PRRX2: variants seen among roughly 807,000 people sequenced by gnomAD.
PRRX2 encodes paired related homeobox 2.
A neutral mutation model predicts 18.0 loss-of-function variants in PRRX2; 11 were observed. The observed-to-expected ratio is 0.61, with a 90% confidence interval of 0.39 to 1.01. The LOEUF is 1.01. Among genes scored for constraint, PRRX2 ranks in the 50% least tolerant of loss-of-function variants. PRRX2 has a pLI of 0.01. For missense variants in PRRX2, 387 were observed against 351.0 expected (o/e 1.10, Z -0.82); for synonymous variants, 177 against 154.8 (o/e 1.14, Z -1.06).
At chr9:129,692,037 G>A (rs955172486) in intron 1 of PRRX2, among the ~76,000 whole-genome samples, 1 of 151,306 alleles carries the variant, frequency 6.6e-6, no homozygotes, top group African/African-American at 2.4e-5. Context: ...TCCACCTCCT[G>A]GGTTCAAGCG....
intron 1 of PRRX2, among the ~76,000 whole-genome samples, chr9:129,668,110 G>A (rs1301054653): frequency 2.0e-5 from 3 of 152,202 alleles, no homozygotes; most frequent in Admixed American, 6.5e-5. Context: ...GGCTCCGCCC[G>A]GGGTGTGGCC....
rs762929485 is a variant in PRRX2 at position 129,715,750 on chromosome 9, T to TCTCTCTCTCTCTCTCTCACA, written c.260-3480_260-3479insTCTCTCTCTCTCTCTCACAC. On this transcript the variant is annotated intron_variant, in intron 1 of 3. Transcript: ENST00000372469. The surrounding 1 kb of genome is among the most constrained non-coding windows in gnomAD (Gnocchi z 4.0). ...AAACCCAGCTTCAGGGACATCTTTC[T>TCTCTCTCTCTCTCTCTCACA]CACACACACACACACACACACACAC... is the stretch of plus-strand genomic sequence containing the variant. Among the ~76,000 whole-genome samples, 104 of 138,946 alleles carry TCTCTCTCTCTCTCTCTCACA rather than the reference T, an allele frequency of 7.5e-4. No homozygotes were observed. In the South Asian group the frequency reaches 9.9e-3, roughly 13 times the overall value. 91.2% of individuals were successfully genotyped at this position (138,946 alleles called of 152,430 possible).
At chr9:129,686,000 G>A (rs1056295785) in intron 1 of PRRX2, among the ~76,000 whole-genome samples, 15 of 152,232 alleles carry the variant, frequency 9.9e-5, no homozygotes, top group African/African-American at 3.4e-4. Context: ...AGAGAGGTGA[G>A]GGCTGGGTTG....
chr9:129,680,635 G>A (rs529578186), intron 1 of PRRX2, among the ~76,000 whole-genome samples: 44 of 152,174 alleles, frequency 2.9e-4, no homozygotes, highest in Admixed American at 1.6e-3. Context: ...CTTGCCTCAC[G>A]GCTTTGCTGG....
intron 1 of PRRX2, among the ~76,000 whole-genome samples, chr9:129,685,607 T>G (rs1028436474): frequency 6.6e-6 from 1 of 152,042 alleles, no homozygotes; most frequent in Non-Finnish European, 1.5e-5. Flanking sequence ...CCTCCCAAAG[T>G]GTTGGGACTA....
At chr9:129,711,089 C>G (rs947958829) in intron 1 of PRRX2, among the ~76,000 whole-genome samples, 8 of 152,106 alleles carry the variant, frequency 5.3e-5, no homozygotes, top group African/African-American at 1.9e-4. Flanking sequence ...TTTTGTTGAT[C>G]CATACACTGT....
rs1011310083 is a variant in PRRX2, at chr9:129,675,274, A to G, written c.259+9148A>G. ...AGGAAGTATTTGCTCTCGACCATCC[A>G]CCAGCATCCATTGAGCACCTACTGA... On this transcript the variant is annotated intron_variant, in intron 1 of 3. Coordinates refer to ENST00000372469, the MANE Select transcript of PRRX2 (RefSeq NM_016307.4). This position sits in a 1 kb window ranked among gnomAD's most constrained non-coding sequence, Gnocchi z 4.4. 6.6e-6 allele frequency among the ~76,000 whole-genome samples: 1 copy of G among 152,164 alleles called. No individual in the cohort carries two copies. Among genetic ancestry groups the G allele is most frequent in the Non-Finnish European group, 1.5e-5 (1 of 68,010 alleles).
chr9:129,694,579 G>A lies in PRRX2; in HGVS notation c.260-24652G>A, dbSNP rs76305861. 6.1e-3 allele frequency among the ~76,000 whole-genome samples: 926 copies of A among 152,328 alleles called. 5 individuals are homozygous for A. Among genetic ancestry groups the A allele is most frequent in the African/African-American group, 0.021 (862 of 41,562 alleles). On this transcript the variant is annotated intron_variant, in intron 1 of 3. Coordinates refer to ENST00000372469, the MANE Select transcript of PRRX2 (RefSeq NM_016307.4). The stretch of plus-strand genomic sequence containing the variant: ...CATGCGTGCTCGGCAGGGAGGCAGC[G>A]CGGTTCAGGGGTTGGAAGCTTGGGT...
chr9:129,695,871 C>T lies in PRRX2; in HGVS notation c.260-23360C>T, dbSNP rs1832414461. On this transcript the variant is annotated intron_variant, in intron 1 of 3. Coordinates refer to ENST00000372469, the MANE Select transcript of PRRX2 (RefSeq NM_016307.4). The surrounding 1 kb of genome is among the most constrained non-coding windows in gnomAD (Gnocchi z 4.8). ...TTAACGGGAAAGTTCTAAACAGAAC[C>T]TCTGCTGTCATGTAAGCAGCTCAGA... 6.6e-6 allele frequency among the ~76,000 whole-genome samples: 1 copy of T among 152,178 alleles called. No homozygotes were observed. The highest frequency in any genetic ancestry group is 1.5e-5 in the Non-Finnish European group (1 of 68,034).
At chr9:129,703,786 A>G (rs7854883) in intron 1 of PRRX2, among the ~76,000 whole-genome samples, 151,752 of 152,348 alleles carry the variant, frequency 1, 75,581 homozygotes, top group Middle Eastern at 1. Context: ...TTTGCCGAGC[A>G]AGGCTCAGAC....
chr9:129,720,552 T>C (rs1005451809), intron 2 of PRRX2, 44 bp from the exon 3 acceptor site: 14 of 1,529,334 alleles, frequency 9.2e-6, no homozygotes, highest in Non-Finnish European at 1.1e-5. Context: ...AGGACTTGGG[T>C]CCCCCCTGCC....
intron 1 of PRRX2, among the ~76,000 whole-genome samples, chr9:129,702,703 C>T (rs1000499193): frequency 2.6e-5 from 4 of 152,310 alleles, no homozygotes; most frequent in Admixed American, 6.5e-5. Context: ...CCTGAACTTG[C>T]GGGTGAGGGA....
intron 1 of PRRX2, among the ~76,000 whole-genome samples, chr9:129,691,403 C>A (rs971381905): frequency 6.6e-6 from 1 of 151,856 alleles, no homozygotes; most frequent in South Asian, 2.1e-4. Context: ...ATACTCAGAT[C>A]TCATCTCTTT....
chr9:129,707,580 C>T (rs1443218769), intron 1 of PRRX2, among the ~76,000 whole-genome samples: 3 of 152,028 alleles, frequency 2.0e-5, no homozygotes, highest in African/African-American at 7.3e-5. Context: ...CACCTGAGGT[C>T]AGGAGTTCGA....
At position 129,665,982 on chromosome 9, in the gene PRRX2, T is replaced by G; in HGVS notation, c.115T>G (p.Ser39Ala). 1 of 1,137,594 alleles carries G rather than the reference T, an allele frequency of 8.8e-7. No homozygotes were observed. The highest frequency in any genetic ancestry group is 1.1e-6 in the Non-Finnish European group (1 of 921,998). 70.5% of individuals were successfully genotyped at this position (1,137,594 alleles called of 1,614,324 possible). A position where few individuals can be genotyped will look rare whatever the true frequency, so the allele number is the denominator to read the frequency against. ...CTGCGCCCAGGCGCGCAAGAACTTC[T>G]CGGTGAGCCACCTCCTGGACCTGGA... ...GDCAQARKNF[S>A]VSHLLDLEEV... The change falls in exon 1 of 4, where the codon TCG becomes GCG. Residue 39 changes from serine to alanine, a missense_variant. Coordinates refer to ENST00000372469, the MANE Select transcript of PRRX2 (RefSeq NM_016307.4). This position sits in a 1 kb window ranked among gnomAD's most constrained non-coding sequence, Gnocchi z 5.3.
chr9:129,704,123 C>T (rs1296502447), intron 1 of PRRX2, among the ~76,000 whole-genome samples: 3 of 152,182 alleles, frequency 2.0e-5, no homozygotes, highest in Admixed American at 6.5e-5. Flanking sequence ...CTTTTCTGCA[C>T]GCCTGTGTTT....
chr9:129,706,200 C>CT (rs1452604681), intron 1 of PRRX2, among the ~76,000 whole-genome samples: 2 of 152,176 alleles, frequency 1.3e-5, no homozygotes, highest in Non-Finnish European at 2.9e-5. Flanking sequence ...AATCCCAGTG[C>CT]TTTGGGAGGC....
rs1832013012 is a variant in PRRX2, at chr9:129,665,891, C to A, written c.24C>A (p.Phe8Leu). The A allele has an allele frequency of 2.8e-6, 3 of 1,081,314 alleles. No homozygotes were observed. The highest frequency in any genetic ancestry group is 7.4e-5 in the East Asian group (1 of 13,554). 67.0% of individuals were successfully genotyped at this position (1,081,314 alleles called of 1,614,324 possible). Residue 8 changes from phenylalanine (F) to leucine (L), a missense_variant, in exon 1 of 4, where the codon TTC becomes TTA. Coordinates refer to ENST00000372469, the MANE Select transcript of PRRX2 (RefSeq NM_016307.4). This position sits in a 1 kb window ranked among gnomAD's most constrained non-coding sequence, Gnocchi z 5.3. MDSAAAA[F>L]ALDKPALGPG... ...GCATGGACAGCGCGGCCGCCGCCTT[C>A]GCCCTGGACAAGCCGGCGCTGGGCC...
intron 1 of PRRX2, among the ~76,000 whole-genome samples, chr9:129,676,309 C>A: frequency 6.6e-6 from 1 of 152,212 alleles, no homozygotes; most frequent in East Asian, 1.9e-4. Context: ...CGCTGAGGGA[C>A]CATGGCTAGT....
Sources: allele counts gnomAD v4.1 joint callset (sites outside exome capture counted in the v4.1 genomes callset), GRCh38; gene constraint gnomAD v4.1.1; non-coding constraint Gnocchi (gnomAD v3.1); transcripts MANE v1.5; gene names NCBI Gene and HGNC (gene_info 2026-07-23, HGNC 2026-07-21).